Variants in SLC9A1 observed in about 807,000 individuals in gnomAD.
SLC9A1 encodes the protein solute carrier family 9 member A1.
SLC9A1 carries 22 observed loss-of-function variants against 67.9 expected under a neutral mutation model. That is an observed-to-expected ratio of 0.32 (90% CI 0.23 to 0.46). SLC9A1 has a LOEUF of 0.46. Among genes scored for constraint, SLC9A1 ranks in the 20% least tolerant of loss-of-function variants. The pLI, the probability that SLC9A1 is intolerant of heterozygous loss-of-function variation, is 1.00. For synonymous variants in SLC9A1, 421 were observed against 471.8 expected (o/e 0.89, Z 1.40); for missense variants, 686 against 1,094.8 (o/e 0.63, Z 5.27).
At chr1:27,139,968 T>C (rs1176568595) in intron 1 of SLC9A1, among the ~76,000 whole-genome samples, 1 of 152,048 alleles carries the variant, frequency 6.6e-6, no homozygotes, top group Non-Finnish European at 1.5e-5. Context: ...AATTTTTGTA[T>C]TTTTAGTAGA....
chr1:27,143,495 C>T (rs948009195), intron 1 of SLC9A1, among the ~76,000 whole-genome samples: 1 of 152,214 alleles, frequency 6.6e-6, no homozygotes, highest in African/African-American at 2.4e-5. Flanking sequence ...GTGATCTGTA[C>T]TTGTACAAAG....
intron 2 of SLC9A1, 139 bp downstream of exon 2, chr1:27,113,687 G>T: frequency 1.5e-6 from 1 of 687,866 alleles, no homozygotes; most frequent in East Asian, 2.6e-5. Context: ...GGCTCAGCAT[G>T]GTGCCTGGCA....
intron 1 of SLC9A1, among the ~76,000 whole-genome samples, chr1:27,121,978 G>C (rs1458612512): frequency 1.3e-5 from 2 of 152,056 alleles, no homozygotes; most frequent in Non-Finnish European, 2.9e-5. Context: ...CAAAAAATTA[G>C]CTGAGTGTGC....
chr1:27,140,611 A>T (rs2083447589), intron 1 of SLC9A1, among the ~76,000 whole-genome samples: 1 of 152,184 alleles, frequency 6.6e-6, no homozygotes, highest in Non-Finnish European at 1.5e-5. Flanking sequence ...GATGTAGCTT[A>T]AAAAGGGCAC....
At position 27,154,412 on chromosome 1, in the gene SLC9A1, A is replaced by T; in HGVS notation, c.-78T>A. On this transcript the variant is annotated 5_prime_UTR_variant, in exon 1 of 12. In the 5' UTR this introduces an upstream ATG that the reference lacks. Transcript: ENST00000263980. The stretch of plus-strand genomic sequence containing the variant: ...GCACATAGGTAGCAAAGGGTCAGCA[A>T]GTGGGAAGAGAGACTGGCGTAGTCT... The T allele has an allele frequency of 1.1e-6, 1 of 870,814 alleles. No individual in the cohort carries two copies. The highest frequency in any genetic ancestry group is 1.7e-6 in the Non-Finnish European group (1 of 573,312). The allele number at this position is 870,814 out of a possible 1,614,324, so 53.9% of individuals were successfully genotyped here.
intron 1 of SLC9A1, among the ~76,000 whole-genome samples, chr1:27,149,163 G>A (rs2083510251): frequency 6.6e-6 from 1 of 152,216 alleles, no homozygotes; most frequent in Non-Finnish European, 1.5e-5. Context: ...CTCCTAGAGG[G>A]AGTCCTACAA....
chr1:27,149,569 G>A (rs1557437920), intron 1 of SLC9A1, among the ~76,000 whole-genome samples: 1 of 152,192 alleles, frequency 6.6e-6, no homozygotes, highest in Non-Finnish European at 1.5e-5. Context: ...GGGAGAGAAA[G>A]AGAAAGTGAC....
chr1:27,100,258 C>G lies in SLC9A1; in HGVS notation c.*49G>C. On this transcript the variant is annotated 3_prime_UTR_variant, in exon 12 of 12. Transcript: ENST00000263980. This position sits in a 1 kb window ranked among gnomAD's most constrained non-coding sequence, Gnocchi z 5.6. ...AGGGGAGCCCCCAGCAGCCCCTGCTCTGGTGGAAGAGTCTGTGAGGGGACA... is the reference window on the plus strand; with the variant it reads ...AGGGGAGCCCCCAGCAGCCCCTGCTGTGGTGGAAGAGTCTGTGAGGGGACA... The G allele has an allele frequency of 2.2e-6, 3 of 1,393,912 alleles. No homozygotes were observed. The highest frequency in any genetic ancestry group is 2.9e-6 in the Non-Finnish European group (3 of 1,037,706). 86.3% of individuals were successfully genotyped at this position (1,393,912 alleles called of 1,614,324 possible). A position where few individuals can be genotyped will look rare whatever the true frequency, so the allele number is the denominator to read the frequency against.
At chr1:27,123,330 A>G (rs1161006615) in intron 1 of SLC9A1, among the ~76,000 whole-genome samples, 1 of 152,084 alleles carries the variant, frequency 6.6e-6, no homozygotes, top group Non-Finnish European at 1.5e-5. Flanking sequence ...ATATTCTTGA[A>G]GACTTTTCTG....
intron 1 of SLC9A1, among the ~76,000 whole-genome samples, chr1:27,152,361 G>C (rs2083535123): frequency 6.6e-6 from 1 of 152,208 alleles, no homozygotes; most frequent in African/African-American, 2.4e-5. Context: ...GGTGTGGTGG[G>C]CAGGTGAGGG....
intron 1 of SLC9A1, among the ~76,000 whole-genome samples, chr1:27,121,317 G>A (rs988566177): frequency 5.3e-5 from 8 of 152,174 alleles, no homozygotes; most frequent in Non-Finnish European, 1.0e-4. Flanking sequence ...GACTATCTGA[G>A]TCATGGAAAA....
chr1:27,144,603 G>A (rs767961169), intron 1 of SLC9A1, among the ~76,000 whole-genome samples: 1 of 152,212 alleles, frequency 6.6e-6, no homozygotes, highest in Non-Finnish European at 1.5e-5. Flanking sequence ...TTTCTTGTCT[G>A]CCCCAGGGCT....
chr1:27,135,678 T>A (rs990779855), intron 1 of SLC9A1, among the ~76,000 whole-genome samples: 1 of 152,150 alleles, frequency 6.6e-6, no homozygotes, highest in Non-Finnish European at 1.5e-5. Context: ...AGCAGCTTTA[T>A]TCACAATTGT....
At chr1:27,135,761 A>G (rs553802929) in intron 1 of SLC9A1, among the ~76,000 whole-genome samples, 26 of 152,340 alleles carry the variant, frequency 1.7e-4, no homozygotes, top group Non-Finnish European at 3.1e-4. Flanking sequence ...ATACGAGGCA[A>G]CACCGAACAG....
At chr1:27,145,182 A>C (rs1484016529) in intron 1 of SLC9A1, among the ~76,000 whole-genome samples, 3 of 151,766 alleles carry the variant, frequency 2.0e-5, no homozygotes, top group African/African-American at 7.3e-5. Context: ...ATTCCTTTCC[A>C]TCCTTCAAGA....
chr1:27,152,220 A>C (rs1458766956), intron 1 of SLC9A1, among the ~76,000 whole-genome samples: 4 of 152,132 alleles, frequency 2.6e-5, no homozygotes, highest in African/African-American at 9.7e-5. Flanking sequence ...TTAGCACTAG[A>C]GATACCAGGC....
intron 1 of SLC9A1, among the ~76,000 whole-genome samples, chr1:27,125,873 G>A (rs2083340610): frequency 6.6e-6 from 1 of 152,142 alleles, no homozygotes; most frequent in South Asian, 2.1e-4. Context: ...TTACAGTCAT[G>A]AGCCACTGTG....
rs2083184343 is a variant in SLC9A1 at position 27,106,259 on chromosome 1, A to C, written c.1283-172T>G. ...AGAGTGCTCTGAACTCCTCAATCCA[A>C]GAGCTGGGTGGATCCTTAAAGGACT... On this transcript the variant is annotated intron_variant, in intron 4 of 11. Transcript: ENST00000263980. This position sits in a 1 kb window ranked among gnomAD's most constrained non-coding sequence, Gnocchi z 4.3. 6.6e-6 allele frequency among the ~76,000 whole-genome samples: 1 copy of C among 152,128 alleles called. No individual in the cohort carries two copies. Among genetic ancestry groups the C allele is most frequent in the South Asian group, 2.1e-4 (1 of 4,826 alleles).
intron 1 of SLC9A1, among the ~76,000 whole-genome samples, chr1:27,128,667 A>AG (rs2083362234): frequency 6.6e-6 from 1 of 151,316 alleles, no homozygotes; most frequent in Non-Finnish European, 1.5e-5. Flanking sequence ...TAAAAAAAAA[A>AG]AAAAAAAAGG....
Sources: gnomAD v4.1 joint callset for allele counts (sites outside exome capture counted in the v4.1 genomes callset) on GRCh38, gnomAD v4.1.1 for gene constraint, Gnocchi (gnomAD v3.1) non-coding constraint, MANE v1.5 for transcripts, NCBI Gene and HGNC (gene_info 2026-07-23, HGNC 2026-07-21) for gene names.